ELAPOR2: variants seen among roughly 807,000 people sequenced by gnomAD.
ELAPOR2 encodes endosome/lysosome-associated apoptosis and autophagy regulator family member 2.
A neutral mutation model predicts 120.7 loss-of-function variants in ELAPOR2; 89 were observed. The observed-to-expected ratio is 0.74, with a 90% CI of 0.62 to 0.88. The LOEUF (loss-of-function observed/expected upper bound fraction) is 0.88, where lower values mean the gene tolerates loss of function less well. Ranked by LOEUF, ELAPOR2 falls within the 40% of genes least tolerant of loss-of-function variation. ELAPOR2 has a pLI of 0.00. For synonymous variants in ELAPOR2, 444 were observed against 444.9 expected, an observed-to-expected ratio of 1.00 and a Z score of 0.03; for missense variants, 1,134 against 1,251.6, an observed-to-expected ratio of 0.91 and a Z score of 1.42.
intron 16 of ELAPOR2, 29 bp from the exon 17 acceptor site, chr7:86,908,572 A>T (rs1460655870): frequency 9.8e-7 from 1 of 1,025,108 alleles, no homozygotes; most frequent in Non-Finnish European, 1.4e-6. Flanking sequence ...GAAACTATTA[A>T]GCAATATGGA....
chr7:86,941,953 A>C lies in ELAPOR2; in HGVS notation c.741+65T>G, dbSNP rs1041814201. ...AGGAAGGGGAAGTTGGGAAAGAAGA[A>C]AAGGTTGGGGAAAAAAAGAAGAAGG... On this transcript the variant is annotated intron_variant, in intron 5 of 21. Coordinates refer to ENST00000450689, the MANE Select transcript of ELAPOR2 (RefSeq NM_001142749.3). The C allele has an allele frequency of 4.3e-5, 40 of 924,364 alleles. No individual in the cohort carries two copies. In the African/African-American group the frequency reaches 6.5e-4, roughly 15 times the overall value. The allele number at this position is 924,364 out of a possible 1,614,324, so 57.3% of individuals were successfully genotyped here. A position where few individuals can be genotyped will look rare whatever the true frequency, so the allele number is the denominator to read the frequency against.
Position 86,938,973 on chromosome 7 carries a change from G to A in ELAPOR2, c.848-13C>T. ...GTGTACGCCACCCCTGTGCAGTAAT[G>A]AAAAACAGAGCATGGGAGGGGGACC... On this transcript the variant is annotated splice_polypyrimidine_tract_variant and intron_variant, in intron 6 of 21. Coordinates refer to ENST00000450689, the MANE Select transcript of ELAPOR2 (RefSeq NM_001142749.3). 6.2e-7 allele frequency: 1 copy of A among 1,612,162 alleles called. No homozygotes were observed. The highest frequency in any genetic ancestry group is 8.5e-7 in the Non-Finnish European group (1 of 1,178,944).
intron 21 of ELAPOR2, among the ~76,000 whole-genome samples, chr7:86,883,026 GT>G (rs1799491562): frequency 9.6e-5 from 11 of 114,974 alleles, no homozygotes; most frequent in African/African-American, 4.1e-4. Context: ...TGAAAGGGGT[GT>G]GTGTGTGTGT....
intron 1 of ELAPOR2, among the ~76,000 whole-genome samples, chr7:86,992,902 A>T (rs1023378211): frequency 4.6e-5 from 7 of 152,188 alleles, no homozygotes; most frequent in African/African-American, 1.7e-4. Flanking sequence ...TCATCTTAAA[A>T]AATGCAACAA....
In ELAPOR2 at chr7:87,052,203, T is replaced by G. The variant is rs540987555; in HGVS notation, c.189+7122A>C. 5.9e-5 allele frequency among the ~76,000 whole-genome samples: 9 copies of G among 152,300 alleles called. No homozygotes were observed. In the South Asian group the frequency reaches 1.9e-3, roughly 32 times the overall value. On this transcript the variant is annotated intron_variant, in intron 1 of 21. Transcript: ENST00000450689. ...TAAAGACATACCCAAGGCTGGGCAA[T>G]TTACAAAAGAAAGGGATTTAATGGA...
chr7:86,973,578 A>G (rs1792176186), intron 1 of ELAPOR2, among the ~76,000 whole-genome samples: 1 of 152,132 alleles, frequency 6.6e-6, no homozygotes, highest in Admixed American at 6.5e-5. Flanking sequence ...CTTCACATAC[A>G]AAAGGCAACC....
chr7:86,886,119 G>A (rs114438962), intron 21 of ELAPOR2, among the ~76,000 whole-genome samples: 1,838 of 152,210 alleles, frequency 0.012, 43 homozygotes, highest in African/African-American at 0.041. Flanking sequence ...ACTTACAGAG[G>A]TGGTTGATAA....
chr7:86,918,533 G>T lies in ELAPOR2; in HGVS notation c.1502C>A (p.Ser501Tyr), dbSNP rs1338294104. ...LHIPGFKPPT[S>Y]MTGATGSELG... The stretch of plus-strand genomic sequence containing the variant: ...TTCAGAACCCGTGGCTCCAGTCATA[G>T]ATGTTGGTGGTCTATTTGACAGATT... The change falls in exon 12 of 22, where the codon TCT (serine) becomes TAT (tyrosine). Residue 501 changes from serine (S) to tyrosine (Y), a missense_variant. Physicochemically the swap from Ser to Tyr is moderately radical, Grantham distance 144 (BLOSUM62 -2). Transcript: ENST00000450689. 6.2e-7 allele frequency: 1 copy of T among 1,603,844 alleles called. No individual in the cohort carries two copies. Among genetic ancestry groups the T allele is most frequent in the African/African-American group, 1.3e-5 (1 of 74,728 alleles).
At chr7:86,911,671 G>A (rs761422672) in intron 15 of ELAPOR2, 76 of 458,094 alleles carry the variant, frequency 1.7e-4, no homozygotes, top group African/African-American at 1.3e-3. Context: ...TTTTGGACAA[G>A]CTTCCTCTTG....
chr7:87,000,217 T>C (rs796679377), intron 1 of ELAPOR2, among the ~76,000 whole-genome samples: 5 of 152,174 alleles, frequency 3.3e-5, no homozygotes, highest in African/African-American at 9.6e-5. Flanking sequence ...AAAGGAGACG[T>C]ATGCAAATTA....
At chr7:87,026,114 G>A (rs1486607636) in intron 1 of ELAPOR2, among the ~76,000 whole-genome samples, 1 of 152,090 alleles carries the variant, frequency 6.6e-6, no homozygotes, top group African/African-American at 2.4e-5. Flanking sequence ...AGAAAAAGAT[G>A]CCTTTCCAGA....
In ELAPOR2 at chr7:87,037,700, G is replaced by A. The variant is rs78672496; in HGVS notation, c.189+21625C>T. Among the ~76,000 whole-genome samples the A allele has an allele frequency of 8.2e-3, 1,243 of 152,230 alleles. 18 individuals are homozygous for A. Among genetic ancestry groups the A allele is most frequent in the African/African-American group, 0.029 (1,193 of 41,520 alleles). On this transcript the variant is annotated intron_variant, in intron 1 of 21. Transcript: ENST00000450689. ...TTAATAGCGCTTCATAGCTTGCCTC[G>A]CAAGACCTTCAGTCTCTGACACTTC...
At chr7:86,955,857 C>T (rs79571567) in intron 2 of ELAPOR2, among the ~76,000 whole-genome samples, 3,925 of 151,364 alleles carry the variant, frequency 0.026, 151 homozygotes, top group African/African-American at 0.09. Flanking sequence ...AATAAACCCA[C>T]GGTTACCATG....
intron 1 of ELAPOR2, among the ~76,000 whole-genome samples, chr7:87,046,087 T>TA (rs939763350): frequency 8.5e-5 from 13 of 152,088 alleles, no homozygotes; most frequent in Non-Finnish European, 1.2e-4. Context: ...TTAGGACTGA[T>TA]AAAAAAAATT....
intron 1 of ELAPOR2, among the ~76,000 whole-genome samples, chr7:87,022,008 A>C (rs1794056714): frequency 6.6e-6 from 1 of 152,210 alleles, no homozygotes. Context: ...GATCATTTTC[A>C]AATGAGTAAA....
At chr7:86,996,814 C>T (rs914817306) in intron 1 of ELAPOR2, among the ~76,000 whole-genome samples, 7 of 152,154 alleles carry the variant, frequency 4.6e-5, no homozygotes, top group Non-Finnish European at 8.8e-5. Context: ...CTCCTCATCT[C>T]TCCTTCCTCC....
At chr7:86,990,343 T>C (rs1314250093) in intron 1 of ELAPOR2, among the ~76,000 whole-genome samples, 1 of 130,400 alleles carries the variant, frequency 7.7e-6, no homozygotes, top group Non-Finnish European at 1.6e-5. Flanking sequence ...CCAGGCGGGT[T>C]CTGCGCTTAT....
At chr7:86,942,665 T>C (rs767390711) in intron 4 of ELAPOR2, among the ~76,000 whole-genome samples, 3 of 152,084 alleles carry the variant, frequency 2.0e-5, no homozygotes, top group Non-Finnish European at 4.4e-5. Flanking sequence ...TCATTTGCCA[T>C]GCCAATTCAA....
At chr7:87,007,071 G>C (rs1793506313) in intron 1 of ELAPOR2, among the ~76,000 whole-genome samples, 1 of 152,180 alleles carries the variant, frequency 6.6e-6, no homozygotes, top group Non-Finnish European at 1.5e-5. Context: ...GTTGGAGAGA[G>C]AATTAACTGG....
Sources: allele counts gnomAD v4.1 joint callset (sites outside exome capture counted in the v4.1 genomes callset), GRCh38; gene constraint gnomAD v4.1.1; transcripts MANE v1.5; gene names NCBI Gene and HGNC (gene_info 2026-07-23, HGNC 2026-07-21).